The following KRAS variants were observed in gnomAD, a reference collection of about 807,000 sequenced individuals.
The protein encoded by KRAS is KRas proto-oncogene, GTPase.
KRAS carries 1 observed loss-of-function variant against 21.0 expected under a neutral mutation model. The observed-to-expected ratio is 0.05, with a 90% CI of 0.02 to 0.23. The LOEUF (loss-of-function observed/expected upper bound fraction) is 0.23, where lower values mean the gene tolerates loss of function less well. KRAS is among the 10% of genes least tolerant of loss of function. KRAS has a pLI of 1.00. For synonymous variants in KRAS, 67 were observed against 72.5 expected (o/e 0.92, Z 0.39); for missense variants, 107 against 221.8 (o/e 0.48, Z 3.29).
At chr12:25,230,536 G>A (rs771814643) in intron 2 of KRAS, among the ~76,000 whole-genome samples, 15 of 152,142 alleles carry the variant, frequency 9.9e-5, no homozygotes, top group Admixed American at 2.6e-4. Flanking sequence ...GCTGAGGCAG[G>A]AGAATCACTT....
At chr12:25,246,453 G>A (rs1395228431) in intron 1 of KRAS, among the ~76,000 whole-genome samples, 2 of 151,924 alleles carry the variant, frequency 1.3e-5, no homozygotes, top group African/African-American at 4.8e-5. Flanking sequence ...AGCTACTGGG[G>A]AGGCTGAGGA....
chr12:25,214,766 T>C (rs1378415575), intron 4 of KRAS, among the ~76,000 whole-genome samples: 1 of 151,962 alleles, frequency 6.6e-6, no homozygotes, highest in Non-Finnish European at 1.5e-5. Context: ...AAATAGGAGG[T>C]TCTAACAGTC....
intron 4 of KRAS, among the ~76,000 whole-genome samples, chr12:25,212,348 GA>G (rs1196905453): frequency 6.6e-6 from 1 of 152,188 alleles, no homozygotes; most frequent in African/African-American, 2.4e-5. Context: ...CACAGAATTT[GA>G]AAACATTACT....
intron 2 of KRAS, among the ~76,000 whole-genome samples, chr12:25,242,402 C>T (rs1463958091): frequency 6.6e-6 from 1 of 152,028 alleles, no homozygotes; most frequent in African/African-American, 2.4e-5. Flanking sequence ...AGAAAAAAAA[C>T]TTCAGGGTTT....
intron 4 of KRAS, among the ~76,000 whole-genome samples, chr12:25,218,017 CATAA>C (rs1951274342): frequency 6.6e-6 from 1 of 152,150 alleles, no homozygotes; most frequent in Non-Finnish European, 1.5e-5. Context: ...TAATAAGCAA[CATAA>C]ATAATTTAAG....
At chr12:25,226,427 C>T (rs931401731) in intron 3 of KRAS, among the ~76,000 whole-genome samples, 4 of 152,098 alleles carry the variant, frequency 2.6e-5, no homozygotes, top group South Asian at 2.1e-4. Context: ...CTCAAATTCC[C>T]GGTTCCGAAC....
In KRAS at chr12:25,205,849, TATCTTTCTTTAGAA is replaced by T. The variant is rs1951132101; in HGVS notation, c.*3932_*3945del. Reference sequence around the variant, plus strand: ...ACTATTCTTCAAGAACTCATGTGAGTATCTTTCTTTAGAAAGAAAGTTTCATTTTATGACAGCTA... The same window carrying T: ...ACTATTCTTCAAGAACTCATGTGAGTAGAAAGTTTCATTTTATGACAGCTA... On this transcript the variant is annotated 3_prime_UTR_variant, in exon 5 of 5. Coordinates refer to ENST00000311936, the MANE Select transcript of KRAS (RefSeq NM_004985.5). 9.3e-6 allele frequency: 2 copies of T among 215,698 alleles called. No homozygotes were observed. Among genetic ancestry groups the T allele is most frequent in the Non-Finnish European group, 1.9e-5 (2 of 107,084 alleles). 13.4% of individuals were successfully genotyped at this position (215,698 alleles called of 1,614,324 possible).
chr12:25,238,627 G>T (rs1302581380), intron 2 of KRAS, among the ~76,000 whole-genome samples: 5 of 152,064 alleles, frequency 3.3e-5, no homozygotes, highest in African/African-American at 1.2e-4. Flanking sequence ...CACAACAAAG[G>T]ATGAGGGAGT....
chr12:25,209,618 A>C lies in KRAS; in HGVS notation c.*177T>G, dbSNP rs712. 0.54 allele frequency: 719,005 copies of C among 1,341,780 alleles called. 198,236 individuals are homozygous for C. The highest frequency in any genetic ancestry group is 0.8 in the East Asian group (27,495 of 34,500). 83.1% of individuals were successfully genotyped at this position (1,341,780 alleles called of 1,614,324 possible). A position where few individuals can be genotyped will look rare whatever the true frequency, so the allele number is the denominator to read the frequency against. On this transcript the variant is annotated 3_prime_UTR_variant, in exon 5 of 5. Coordinates refer to ENST00000311936, the MANE Select transcript of KRAS (RefSeq NM_004985.5). ...CAAAACTCTGGGAATACTGGCACTT[A>C]GAGGAAAAAAAAACTTCCACTGTCA... is the stretch of plus-strand genomic sequence containing the variant.
intron 2 of KRAS, among the ~76,000 whole-genome samples, chr12:25,239,501 T>C (rs1274535473): frequency 6.6e-6 from 1 of 152,204 alleles, no homozygotes; most frequent in Non-Finnish European, 1.5e-5. Flanking sequence ...TCTATGTTAC[T>C]TAGATAACAC....
chr12:25,250,348 G>C (rs1463708826), intron 1 of KRAS, among the ~76,000 whole-genome samples: 1 of 152,180 alleles, frequency 6.6e-6, no homozygotes, highest in Non-Finnish European at 1.5e-5. Context: ...GCGGGGAGAG[G>C]GGGAGGGGAG....
chr12:25,248,090 G>T lies in KRAS; in HGVS notation c.-12+2661C>A, dbSNP rs566985644. Among the ~76,000 whole-genome samples the T allele has an allele frequency of 1.7e-4, 26 of 151,812 alleles. No individual in the cohort carries two copies. In the South Asian group the frequency reaches 5.2e-3, roughly 30 times the overall value. On this transcript the variant is annotated intron_variant, in intron 1 of 4. Transcript: ENST00000311936. ...TGAGTACGCTGGTCTCCAACTCCTGGCCTCAAGCGATCCTCCCGCCTCAGT... is the reference window on the plus strand; with the variant it reads ...TGAGTACGCTGGTCTCCAACTCCTGTCCTCAAGCGATCCTCCCGCCTCAGT...
At position 25,208,006 on chromosome 12, in the gene KRAS, T is replaced by C. The variant is rs1592792571; in HGVS notation, c.*1789A>G. Reference sequence around the variant, plus strand: ...TGACACTAATATGGAAGAAGAGTCCTAAAACGAGAATGGATATTCAAATAT... The same window carrying C: ...TGACACTAATATGGAAGAAGAGTCCCAAAACGAGAATGGATATTCAAATAT... On this transcript the variant is annotated 3_prime_UTR_variant, in exon 5 of 5. Transcript: ENST00000311936. The C allele has an allele frequency of 3.4e-5, 8 of 233,246 alleles. No homozygotes were observed. The East Asian group carries it at 4.8e-4, about 14-fold the overall frequency. 14.4% of individuals were successfully genotyped at this position (233,246 alleles called of 1,614,324 possible).
chr12:25,219,163 C>G (rs1242144020), intron 4 of KRAS, among the ~76,000 whole-genome samples: 1 of 152,080 alleles, frequency 6.6e-6, no homozygotes, highest in Non-Finnish European at 1.5e-5. Context: ...GTCTCAAACT[C>G]CTGACCTTGT....
chr12:25,215,659 A>AT (rs559719205), intron 4 of KRAS: 18,805 of 752,714 alleles, frequency 0.025, 1 homozygote, highest in South Asian at 0.035. Context: ...TGAGCTTGAG[A>AT]TTTTTTTTTT....
chr12:25,206,525 G>A lies in KRAS; in HGVS notation c.*3270C>T, dbSNP rs1348714228. The A allele has an allele frequency of 1.2e-5, 2 of 165,216 alleles. No homozygotes were observed. Among genetic ancestry groups the A allele is most frequent in the East Asian group, 2.1e-4 (2 of 9,748 alleles). 10.2% of individuals were successfully genotyped at this position (165,216 alleles called of 1,614,324 possible). ...TAAACCATTCAAAGTTCACATAAAG[G>A]TAATTAACCACTACCTTAAAAAAAT... On this transcript the variant is annotated 3_prime_UTR_variant, in exon 5 of 5. Transcript: ENST00000311936.
rs71065929 is a variant in KRAS, at chr12:25,249,591, C to CAAAA, written c.-12+1156_-12+1159dup. Among the ~76,000 whole-genome samples the CAAAA allele has an allele frequency of 2.0e-4, 12 of 60,820 alleles. 1 individual carries two copies. The highest frequency in any genetic ancestry group is 5.8e-4 in the Admixed American group (2 of 3,444). The allele number at this position is 60,820 out of a possible 152,430, so 39.9% of individuals were successfully genotyped here. On this transcript the variant is annotated intron_variant, in intron 1 of 4. Transcript: ENST00000311936. ...TGGGCAACAGAGCGAGACTGTGTCTCAAAAAAAAAAAAAAAAAGGAGATGC... is the reference window on the plus strand; with the variant it reads ...TGGGCAACAGAGCGAGACTGTGTCTCAAAAAAAAAAAAAAAAAAAAAGGAGATGC...
chr12:25,234,834 T>C (rs1162343728), intron 2 of KRAS: 1 of 211,028 alleles, frequency 4.7e-6, no homozygotes, highest in Non-Finnish European at 9.6e-6. Flanking sequence ...ACTCAGGCAG[T>C]GACTCTGACA....
At chr12:25,247,988 T>C (rs921732060) in intron 1 of KRAS, among the ~76,000 whole-genome samples, 1 of 152,162 alleles carries the variant, frequency 6.6e-6, no homozygotes, top group Non-Finnish European at 1.5e-5. Context: ...ACGGTAAATA[T>C]TAATAAATCC....
Sources: allele counts gnomAD v4.1 joint callset (sites outside exome capture counted in the v4.1 genomes callset), GRCh38; gene constraint gnomAD v4.1.1; transcripts MANE v1.5; gene names NCBI Gene and HGNC (gene_info 2026-07-23, HGNC 2026-07-21).